WDR59: variants seen among roughly 807,000 people sequenced by gnomAD.
The protein encoded by WDR59 is WD repeat domain 59, also known as GATOR2 complex protein WDR59.
WDR59 carries 100 observed loss-of-function variants against 131.2 expected under a neutral mutation model. That is an observed-to-expected ratio of 0.76 (90% CI 0.65 to 0.90). The LOEUF is 0.90. WDR59 is among the 40% of genes least tolerant of loss of function. WDR59 has a pLI of 0.00. For missense variants in WDR59, 1,203 were observed against 1,262.2 expected (o/e 0.95, Z 0.71); for synonymous variants, 601 against 466.2 (o/e 1.29, Z -3.72).
At chr16:74,876,193 TA>T (rs1964203469) in intron 25 of WDR59, among the ~76,000 whole-genome samples, 1 of 152,196 alleles carries the variant, frequency 6.6e-6, no homozygotes, top group South Asian at 2.1e-4. Context: ...ATGTGGTACC[TA>T]AGGGCATATT....
chr16:74,919,118 C>T (rs35922463), intron 10 of WDR59, among the ~76,000 whole-genome samples: 53,660 of 151,924 alleles, frequency 0.35, 9,455 homozygotes, highest in Middle Eastern at 0.39. Flanking sequence ...GTGCCTCCCC[C>T]GCTGGTCCCA....
chr16:74,885,320 A>G (rs1046952837), intron 25 of WDR59, among the ~76,000 whole-genome samples: 2 of 151,606 alleles, frequency 1.3e-5, no homozygotes, highest in African/African-American at 4.8e-5. Flanking sequence ...GCATGGTGGC[A>G]GGCGCCTGTA....
intron 8 of WDR59, 77 bp from the exon 9 acceptor site, chr16:74,924,080 A>C (rs2030537005): frequency 7.1e-7 from 1 of 1,413,348 alleles, no homozygotes; most frequent in South Asian, 1.2e-5. Flanking sequence ...CAGCCTTTGA[A>C]CTCATTGCTT....
At chr16:74,884,148 A>G (rs954051107) in intron 25 of WDR59, among the ~76,000 whole-genome samples, 1 of 151,666 alleles carries the variant, frequency 6.6e-6, no homozygotes, top group African/African-American at 2.4e-5. Context: ...TCTCTCTCCA[A>G]CTCTAGCGAT....
intron 1 of WDR59, among the ~76,000 whole-genome samples, chr16:74,973,718 T>G (rs932570147): frequency 9.2e-5 from 14 of 152,198 alleles, no homozygotes; most frequent in Admixed American, 2.6e-4. Flanking sequence ...TCTTTGAATG[T>G]CATGGTGGAT....
In WDR59 at chr16:74,885,597, A is replaced by T. The variant is rs1964714887; in HGVS notation, c.2689+56T>A. The T allele has an allele frequency of 1.0e-5, 16 of 1,590,528 alleles. No homozygotes were observed. The East Asian group carries it at 3.4e-4, about 33-fold the overall frequency. On this transcript the variant is annotated intron_variant, in intron 25 of 25. Coordinates refer to ENST00000262144, the MANE Select transcript of WDR59 (RefSeq NM_030581.4). Reference sequence around the variant, plus strand: ...ATTCCAAGTCTGAGGCTGTGGACATATTAAATTACAGGATCTTTCAGACAG... The same window carrying T: ...ATTCCAAGTCTGAGGCTGTGGACATTTTAAATTACAGGATCTTTCAGACAG...
chr16:74,945,442 A>G (rs148162702), intron 6 of WDR59, among the ~76,000 whole-genome samples: 6 of 151,824 alleles, frequency 4.0e-5, no homozygotes, highest in East Asian at 3.9e-4. Flanking sequence ...ATGCCACTGC[A>G]CTCCAGCCTG....
chr16:74,962,187 T>C (rs1400331421), intron 2 of WDR59, among the ~76,000 whole-genome samples: 2 of 152,208 alleles, frequency 1.3e-5, no homozygotes, highest in Non-Finnish European at 2.9e-5. Context: ...TTTTGGTTAC[T>C]GTAGCCTTGT....
intron 8 of WDR59, among the ~76,000 whole-genome samples, chr16:74,924,527 T>C (rs1196034043): frequency 6.6e-6 from 1 of 152,184 alleles, no homozygotes; most frequent in Non-Finnish European, 1.5e-5. Flanking sequence ...TGTGAAAACC[T>C]AGGAGCCAAT....
intron 1 of WDR59, among the ~76,000 whole-genome samples, chr16:74,972,682 G>A (rs1251028066): frequency 1.3e-5 from 2 of 151,136 alleles, no homozygotes; most frequent in Admixed American, 6.6e-5. Flanking sequence ...TTAGCCAGGC[G>A]TGGTGGCGCA....
rs528490683 is a variant in WDR59, at chr16:74,925,252, T to C, written c.652-1249A>G. On this transcript the variant is annotated intron_variant, in intron 8 of 25. Transcript: ENST00000262144. ...AAGACAACCTTAAAAGGTTATATACTAGTCCGGGTGTGGTAGCTCATGCCT... is the reference window on the plus strand; with the variant it reads ...AAGACAACCTTAAAAGGTTATATACCAGTCCGGGTGTGGTAGCTCATGCCT... Among the ~76,000 whole-genome samples the C allele has an allele frequency of 2.0e-5, 3 of 152,288 alleles. No individual in the cohort carries two copies. The South Asian group carries it at 6.2e-4, about 32-fold the overall frequency.
At chr16:74,940,074 A>C (rs13335273) in intron 7 of WDR59, among the ~76,000 whole-genome samples, 12,412 of 152,122 alleles carry the variant, frequency 0.082, 1,648 homozygotes, top group African/African-American at 0.28. Flanking sequence ...ATCTGTAAAA[A>C]AGGGATAATA....
At chr16:74,952,736 A>G (rs1314384367) in intron 3 of WDR59, among the ~76,000 whole-genome samples, 2 of 151,156 alleles carry the variant, frequency 1.3e-5, no homozygotes, top group Non-Finnish European at 2.9e-5. Context: ...TAGGCTGAAA[A>G]CAACGGCAGG....
intron 8 of WDR59, among the ~76,000 whole-genome samples, chr16:74,937,029 C>T (rs1385492441): frequency 6.6e-6 from 1 of 152,080 alleles, no homozygotes; most frequent in East Asian, 1.9e-4. Flanking sequence ...ATAAATACAA[C>T]AAAGCATTAA....
At chr16:74,906,293 G>A (rs1345095906) in intron 17 of WDR59, among the ~76,000 whole-genome samples, 11 of 41,438 alleles carry the variant, frequency 2.7e-4, no homozygotes, top group Admixed American at 7.5e-4. Context: ...CAGCCTGAGC[G>A]ACAGAGCAAG....
intron 2 of WDR59, among the ~76,000 whole-genome samples, chr16:74,962,564 A>G (rs926142213): frequency 3.3e-5 from 5 of 152,048 alleles, no homozygotes; most frequent in Admixed American, 6.6e-5. Flanking sequence ...ATGGGAGTTC[A>G]TTCATGATTT....
chr16:74,875,148 C>CTGCTACTGCCCACTCGCCACTGGCCCA (rs1461835926), intron 25 of WDR59, among the ~76,000 whole-genome samples: 1 of 152,234 alleles, frequency 6.6e-6, no homozygotes. Flanking sequence ...TTACCAACGC[C>CTGCTACTGCCCACTCGCCACTGGCCCA]TGCTACTGCC....
chr16:74,957,508 C>T (rs2033352867), intron 2 of WDR59, among the ~76,000 whole-genome samples: 1 of 152,104 alleles, frequency 6.6e-6, no homozygotes, highest in Non-Finnish European at 1.5e-5. Context: ...TCTCAAAATT[C>T]CCCTTACTAC....
intron 2 of WDR59, chr16:74,962,944 G>A (rs1022648299): frequency 4.6e-5 from 7 of 151,376 alleles, no homozygotes; most frequent in African/African-American, 1.2e-4. Context: ...TGTACCCAGA[G>A]GAATCTAAAT....
Sources: gnomAD v4.1 joint callset for allele counts (sites outside exome capture counted in the v4.1 genomes callset) on GRCh38, gnomAD v4.1.1 for gene constraint, MANE v1.5 for transcripts, NCBI Gene and HGNC (gene_info 2026-07-23, HGNC 2026-07-21) for gene names.